Variants in PXDNL observed in about 807,000 individuals in gnomAD.
PXDNL encodes probable oxidoreductase PXDNL.
PXDNL carries 145 observed loss-of-function variants against 150.8 expected under a neutral mutation model. The ratio of observed to expected loss-of-function variants is 0.96; its 90% CI spans 0.84 to 1.10. PXDNL has a LOEUF of 1.10. PXDNL is among the 50% of genes least tolerant of loss of function. The pLI, the probability that PXDNL is intolerant of heterozygous loss-of-function variation, is 0.00. For synonymous variants in PXDNL, 757 were observed against 725.7 expected, an observed-to-expected ratio of 1.04 and a Z score of -0.69; for missense variants, 2,087 against 1,873.9, an observed-to-expected ratio of 1.11 and a Z score of -2.10.
intron 17 of PXDNL, among the ~76,000 whole-genome samples, chr8:51,406,450 T>C (rs1808437049): frequency 6.6e-6 from 1 of 152,160 alleles, no homozygotes; most frequent in Admixed American, 6.5e-5. Context: ...GAGTCTCTCT[T>C]CAGGTCACTC....
At chr8:51,505,893 C>T (rs779003918) in intron 4 of PXDNL, among the ~76,000 whole-genome samples, 1 of 152,196 alleles carries the variant, frequency 6.6e-6, no homozygotes, top group Non-Finnish European at 1.5e-5. Flanking sequence ...TTAAAATAGG[C>T]ACGCTTTAGC....
rs185077374 is a variant in PXDNL at position 51,465,299 on chromosome 8, T to C, written c.812+6888A>G. ...ACCACATAAACAGAATTTTAAAAAA[T>C]TATATGATCATCTCAATAGATGTGG... On this transcript the variant is annotated intron_variant, in intron 8 of 22. Coordinates refer to ENST00000356297, the MANE Select transcript of PXDNL (RefSeq NM_144651.5). 5.3e-5 allele frequency among the ~76,000 whole-genome samples: 8 copies of C among 152,044 alleles called. No homozygotes were observed. In the East Asian group the frequency reaches 1.4e-3, roughly 26 times the overall value.
intron 5 of PXDNL, among the ~76,000 whole-genome samples, chr8:51,484,739 C>T (rs1810690309): frequency 6.6e-6 from 1 of 152,142 alleles, no homozygotes; most frequent in Non-Finnish European, 1.5e-5. Context: ...GTACCTCTCC[C>T]TCTCCCTCCA....
Position 51,409,056 on chromosome 8 carries a change from G to C in PXDNL, c.2568C>G (p.His856Gln), listed in dbSNP as rs779010140. The change falls in exon 17 of 23, where the codon CAC (histidine) becomes CAG (glutamine). Residue 856 changes from histidine to glutamine, a missense_variant. His to Gln is a conservative substitution (Grantham distance 24). Coordinates refer to ENST00000356297, the MANE Select transcript of PXDNL (RefSeq NM_144651.5). ...NTRHADPRGT[H>Q]APCMLFARSS... The stretch of plus-strand genomic sequence containing the variant: ...AGCGCGCGAAGAGCATGCAGGGCGC[G>C]TGGGTGCCCCGGGGGTCGGCGTGCC... The C allele has an allele frequency of 6.2e-7, 1 of 1,609,982 alleles. No individual in the cohort carries two copies. The highest frequency in any genetic ancestry group is 8.5e-7 in the Non-Finnish European group (1 of 1,179,568).
intron 5 of PXDNL, among the ~76,000 whole-genome samples, chr8:51,496,094 G>A (rs1377275766): frequency 6.6e-6 from 1 of 152,166 alleles, no homozygotes; most frequent in African/African-American, 2.4e-5. Flanking sequence ...GATCAAGTGG[G>A]CTTCATCCCT....
intron 2 of PXDNL, among the ~76,000 whole-genome samples, chr8:51,617,929 C>T (rs1488438761): frequency 1.3e-5 from 2 of 152,234 alleles, no homozygotes; most frequent in Admixed American, 6.5e-5. Flanking sequence ...CAGGCGCACA[C>T]GCACACACTG....
At chr8:51,791,191 G>C (rs2037510033) in intron 1 of PXDNL, among the ~76,000 whole-genome samples, 1 of 152,174 alleles carries the variant, frequency 6.6e-6, no homozygotes, top group Non-Finnish European at 1.5e-5. Flanking sequence ...GAGCTCTCTT[G>C]CCCCTCAACT....
At chr8:51,656,978 C>T (rs572997638) in intron 1 of PXDNL, among the ~76,000 whole-genome samples, 2 of 117,462 alleles carry the variant, frequency 1.7e-5, no homozygotes, top group South Asian at 6.8e-4. Flanking sequence ...TGCAGATACT[C>T]CTTGACTTAT....
At chr8:51,553,845 G>A (rs114976404) in intron 4 of PXDNL, among the ~76,000 whole-genome samples, 2,670 of 150,554 alleles carry the variant, frequency 0.018, 87 homozygotes, top group African/African-American at 0.061. Flanking sequence ...AAAATGAATT[G>A]AACTGTTTAA....
chr8:51,499,561 CTG>C (rs1434934553), intron 5 of PXDNL, 136 bp downstream of exon 5: 5 of 600,460 alleles, frequency 8.3e-6, no homozygotes, highest in Non-Finnish European at 1.5e-5. Flanking sequence ...TATATTAACT[CTG>C]TTTTGTAGTG....
At chr8:51,405,122 G>A (rs1392185659) in intron 17 of PXDNL, among the ~76,000 whole-genome samples, 2 of 152,126 alleles carry the variant, frequency 1.3e-5, no homozygotes, top group Non-Finnish European at 2.9e-5. Flanking sequence ...CTGAGCCCAC[G>A]CCCACCCAGA....
chr8:51,372,070 T>G lies in PXDNL; in HGVS notation c.3704A>C (p.Glu1235Ala). The G allele has an allele frequency of 6.3e-6, 10 of 1,585,566 alleles. No individual in the cohort carries two copies. The highest frequency in any genetic ancestry group is 8.6e-6 in the Non-Finnish European group (10 of 1,165,852). ...TGCCGGGGTAAATACTCCAGGGTTT[T>G]CATACCAGAACCTGGTAGTCAACCA... ...RLRDGDRFWYENPGVFTPAQL... is the reference protein window; with the variant it reads ...RLRDGDRFWYANPGVFTPAQL... Residue 1235 changes from glutamate (E) to alanine (A), a missense_variant, in exon 19 of 23, where the codon GAA (glutamate) becomes GCA (alanine). Transcript: ENST00000356297.
chr8:51,367,739 C>A (rs751623795), intron 19 of PXDNL, among the ~76,000 whole-genome samples: 1 of 151,934 alleles, frequency 6.6e-6, no homozygotes, highest in Non-Finnish European at 1.5e-5. Context: ...AAAAAATGCA[C>A]GACAATGGAT....
chr8:51,381,354 G>A (rs906539625), intron 17 of PXDNL, among the ~76,000 whole-genome samples: 1 of 151,552 alleles, frequency 6.6e-6, no homozygotes, highest in African/African-American at 2.4e-5. Context: ...CTTATCCTGT[G>A]TTTCCAATAA....
intron 6 of PXDNL, among the ~76,000 whole-genome samples, chr8:51,479,413 A>G (rs1810552363): frequency 6.6e-6 from 1 of 152,230 alleles, no homozygotes. Context: ...TCCCACCACC[A>G]AAATGGAACA....
intron 3 of PXDNL, among the ~76,000 whole-genome samples, chr8:51,565,386 C>T (rs1323796120): frequency 2.0e-5 from 3 of 151,254 alleles, no homozygotes; most frequent in Non-Finnish European, 4.4e-5. Context: ...AGTTGAAAAA[C>T]CACACAATAG....
chr8:51,636,841 G>C (rs139917645), intron 2 of PXDNL, among the ~76,000 whole-genome samples: 103 of 151,390 alleles, frequency 6.8e-4, no homozygotes, highest in African/African-American at 2.3e-3. Flanking sequence ...CCTGTCCTGA[G>C]TAGTGGTTCT....
rs983833421 is a variant in PXDNL, at chr8:51,657,122, G to A, written c.165-2362C>T. On this transcript the variant is annotated intron_variant, in intron 1 of 22. Coordinates refer to ENST00000356297, the MANE Select transcript of PXDNL (RefSeq NM_144651.5). ...AAACACGCTCAGAACACTTGCATTA[G>A]CCTGCAGTGGGGCAAAATTATCTAA... is the stretch of plus-strand genomic sequence containing the variant. 5.3e-5 allele frequency among the ~76,000 whole-genome samples: 8 copies of A among 152,258 alleles called. No individual in the cohort carries two copies. The East Asian group carries it at 1.4e-3, about 26-fold the overall frequency.
chr8:51,390,583 GT>G (rs1807862492), intron 17 of PXDNL, among the ~76,000 whole-genome samples: 1 of 151,982 alleles, frequency 6.6e-6, no homozygotes, highest in African/African-American at 2.4e-5. Context: ...CATGATAACA[GT>G]TATGGCTCTC....
Sources: allele counts gnomAD v4.1 joint callset (sites outside exome capture counted in the v4.1 genomes callset), GRCh38; gene constraint gnomAD v4.1.1; transcripts MANE v1.5; gene names NCBI Gene and HGNC (gene_info 2026-07-23, HGNC 2026-07-21).